Variants in NAALADL2 observed in about 807,000 individuals in gnomAD.
NAALADL2 encodes the protein N-acetylated alpha-linked acidic dipeptidase like 2.
In NAALADL2, 76 loss-of-function variants were observed where a neutral mutation model predicts 87.2. That is an observed-to-expected ratio of 0.87 (90% CI 0.72 to 1.05). The LOEUF (loss-of-function observed/expected upper bound fraction) is 1.05. NAALADL2 is among the 50% of genes least tolerant of loss of function. The probability of loss-of-function intolerance (pLI) is 0.00; values close to 1 mark genes in which losing one functional copy is unlikely to be tolerated. For missense variants in NAALADL2, 1,089 were observed against 945.8 expected (o/e 1.15, Z -1.99); for synonymous variants, 354 against 331.0 (o/e 1.07, Z -0.75).
At chr3:174,570,486 C>T (rs1714799661) in intron 2 of NAALADL2, among the ~76,000 whole-genome samples, 1 of 151,994 alleles carries the variant, frequency 6.6e-6, no homozygotes, top group Admixed American at 6.6e-5. Context: ...TTAATATAAT[C>T]GTGGCATCTT....
intron 3 of NAALADL2, among the ~76,000 whole-genome samples, chr3:174,789,461 A>G (rs1021139018): frequency 9.9e-5 from 15 of 152,188 alleles, no homozygotes; most frequent in Non-Finnish European, 1.9e-4. Flanking sequence ...TATTTGAGAA[A>G]GCTGTGAAAG....
intron 1 of NAALADL2, among the ~76,000 whole-genome samples, chr3:174,983,771 C>A (rs987429704): frequency 6.6e-6 from 1 of 152,124 alleles, no homozygotes; most frequent in Non-Finnish European, 1.5e-5. Context: ...TTTAAGAGAA[C>A]ATAAATATTT....
At chr3:175,431,383 T>C (rs942737020) in intron 5 of NAALADL2, among the ~76,000 whole-genome samples, 12 of 152,140 alleles carry the variant, frequency 7.9e-5, no homozygotes, top group African/African-American at 2.2e-4. Context: ...TGTTTGTTTG[T>C]TTAGTTCTAT....
At chr3:174,620,259 G>A (rs2046957098) in intron 2 of NAALADL2, among the ~76,000 whole-genome samples, 1 of 151,962 alleles carries the variant, frequency 6.6e-6, no homozygotes, top group Admixed American at 6.6e-5. Flanking sequence ...GGTTACAGAT[G>A]AATTAAATAA....
chr3:175,070,229 A>G (rs543614698), intron 1 of NAALADL2, among the ~76,000 whole-genome samples: 7 of 151,944 alleles, frequency 4.6e-5, no homozygotes, highest in Non-Finnish European at 8.8e-5. Context: ...TAAATCTATC[A>G]GTTTTCAAAA....
intron 2 of NAALADL2, among the ~76,000 whole-genome samples, chr3:174,659,923 C>G (rs1198627387): frequency 6.6e-6 from 1 of 152,136 alleles, no homozygotes; most frequent in Non-Finnish European, 1.5e-5. Flanking sequence ...CACCTCTCTT[C>G]GAGTGTGTCC....
intron 2 of NAALADL2, among the ~76,000 whole-genome samples, chr3:174,649,613 A>T (rs895337698): frequency 6.6e-6 from 1 of 152,108 alleles, no homozygotes; most frequent in African/African-American, 2.4e-5. Context: ...AGTCATAGAG[A>T]GTAATACAAT....
chr3:175,382,784 T>C (rs991043955), intron 5 of NAALADL2, among the ~76,000 whole-genome samples: 4 of 151,724 alleles, frequency 2.6e-5, no homozygotes, highest in African/African-American at 9.7e-5. Context: ...TAAGAAGTTA[T>C]GGTTAATTAT....
chr3:175,141,570 T>C (rs917517310), intron 2 of NAALADL2, among the ~76,000 whole-genome samples: 14 of 152,048 alleles, frequency 9.2e-5, no homozygotes, highest in Admixed American at 8.5e-4. Context: ...TAAAAAGTTG[T>C]AAATATATAT....
At position 174,655,142 on chromosome 3, in the gene NAALADL2, T is replaced by C. The variant is rs1973659; in HGVS notation, c.-114-82499T>C. Among the ~76,000 whole-genome samples the C allele has an allele frequency of 1.0e-2, 1,522 of 152,354 alleles. 23 individuals are homozygous for C. Among genetic ancestry groups the C allele is most frequent in the African/African-American group, 0.035 (1,451 of 41,576 alleles). ...ACATTAATGAATTAAAAGGAATTCA[T>C]TGTTATCTGTGAAGACACTGTAAAA... On this transcript the variant is annotated intron_variant, in intron 2 of 3. Coordinates refer to the NAALADL2 transcript ENST00000434257.
intron 2 of NAALADL2, among the ~76,000 whole-genome samples, chr3:174,555,008 G>A (rs1712583972): frequency 6.6e-6 from 1 of 152,074 alleles, no homozygotes; most frequent in South Asian, 2.1e-4. Flanking sequence ...TTTTTACAAG[G>A]GTATAATCCC....
At chr3:175,612,965 G>T (rs1355708886) in intron 10 of NAALADL2, among the ~76,000 whole-genome samples, 1 of 151,996 alleles carries the variant, frequency 6.6e-6, no homozygotes. Flanking sequence ...GGGATAGCCG[G>T]GATCCACCAC....
At chr3:174,490,722 C>A (rs961384600) in intron 1 of NAALADL2, among the ~76,000 whole-genome samples, 2 of 151,946 alleles carry the variant, frequency 1.3e-5, no homozygotes, top group African/African-American at 4.8e-5. Context: ...ATTTCATTTC[C>A]TCTTAGGTGG....
At chr3:174,521,328 G>A (rs549384814) in intron 1 of NAALADL2, among the ~76,000 whole-genome samples, 39 of 151,954 alleles carry the variant, frequency 2.6e-4, no homozygotes, top group African/African-American at 9.2e-4. Context: ...AAATGTTCGG[G>A]GCCGAGGCAG....
chr3:174,780,520 T>C (rs1715829316), intron 3 of NAALADL2, among the ~76,000 whole-genome samples: 3 of 152,170 alleles, frequency 2.0e-5, no homozygotes, highest in Admixed American at 1.3e-4. Context: ...AATATTATGT[T>C]GAATAGGAGT....
At chr3:174,594,392 C>T (rs576412557) in intron 2 of NAALADL2, among the ~76,000 whole-genome samples, 9 of 152,236 alleles carry the variant, frequency 5.9e-5, no homozygotes, top group African/African-American at 1.9e-4. Context: ...TTTATGACAT[C>T]GTTGGGAAGA....
chr3:175,141,669 CATACTT>C (rs1730013675), intron 2 of NAALADL2, among the ~76,000 whole-genome samples: 1 of 152,076 alleles, frequency 6.6e-6, no homozygotes. Flanking sequence ...GGGTAGAAGG[CATACTT>C]ATACAGATTG....
intron 3 of NAALADL2, among the ~76,000 whole-genome samples, chr3:175,246,216 CTTTAA>C (rs1259275946): frequency 4.6e-5 from 7 of 152,092 alleles, no homozygotes; most frequent in Non-Finnish European, 1.0e-4. Context: ...AATATAACCA[CTTTAA>C]TTTGAAGTAA....
intron 1 of NAALADL2, among the ~76,000 whole-genome samples, chr3:174,521,242 T>C (rs77233734): frequency 0.054 from 8,224 of 152,194 alleles, 754 homozygotes; most frequent in African/African-American, 0.19. Context: ...AGCAAAGGCA[T>C]GGAATCAACC....
Sources: allele counts gnomAD v4.1 joint callset (sites outside exome capture counted in the v4.1 genomes callset), GRCh38; gene constraint gnomAD v4.1.1; transcripts MANE v1.5; gene names NCBI Gene and HGNC (gene_info 2026-07-23, HGNC 2026-07-21).